Variants in GRID2 observed in about 807,000 individuals in gnomAD.
The protein encoded by GRID2 is glutamate receptor ionotropic, delta-2.
GRID2 carries 33 observed loss-of-function variants against 114.8 expected under a neutral mutation model. The observed-to-expected ratio is 0.29, with a 90% CI of 0.22 to 0.38. The LOEUF is 0.38. Among genes scored for constraint, GRID2 ranks in the 10% least tolerant of loss-of-function variants. The probability of loss-of-function intolerance (pLI) is 1.00; values close to 1 mark genes in which losing one functional copy is unlikely to be tolerated. For missense variants in GRID2, 1,184 were observed against 1,257.7 expected, an observed-to-expected ratio of 0.94 and a Z score of 0.89; for synonymous variants, 505 against 449.9, an observed-to-expected ratio of 1.12 and a Z score of -1.55.
intron 13 of GRID2, among the ~76,000 whole-genome samples, chr4:93,603,917 G>A (rs1739945175): frequency 6.6e-6 from 1 of 152,066 alleles, no homozygotes; most frequent in South Asian, 2.1e-4. Flanking sequence ...AAATATGACT[G>A]CCCATTGACA....
chr4:92,910,307 C>A (rs1748277359), intron 2 of GRID2, among the ~76,000 whole-genome samples: 1 of 152,042 alleles, frequency 6.6e-6, no homozygotes, highest in African/African-American at 2.4e-5. Context: ...GCCCAATCCC[C>A]CAGAGAACCT....
chr4:92,893,636 C>T (rs1346735977), intron 2 of GRID2, among the ~76,000 whole-genome samples: 1 of 152,044 alleles, frequency 6.6e-6, no homozygotes. Context: ...ATCTCTGCTC[C>T]ATGCTTTTCT....
intron 4 of GRID2, among the ~76,000 whole-genome samples, chr4:93,142,358 G>A (rs1371634427): frequency 1.3e-5 from 2 of 152,170 alleles, no homozygotes; most frequent in Non-Finnish European, 2.9e-5. Context: ...ATGCTAGGAG[G>A]TCCAAGATCA....
At chr4:93,294,136 A>G (rs1189596728) in intron 8 of GRID2, among the ~76,000 whole-genome samples, 1 of 152,196 alleles carries the variant, frequency 6.6e-6, no homozygotes, top group East Asian at 1.9e-4. Context: ...ATGTGGGACT[A>G]GGACATGGGT....
At chr4:92,486,363 G>A (rs1722887003) in intron 1 of GRID2, among the ~76,000 whole-genome samples, 3 of 151,384 alleles carry the variant, frequency 2.0e-5, no homozygotes, top group Non-Finnish European at 2.9e-5. Context: ...TATATAAATT[G>A]AGCTTCTTAC....
chr4:93,581,837 C>G (rs1737008547), intron 13 of GRID2, among the ~76,000 whole-genome samples: 2 of 152,154 alleles, frequency 1.3e-5, no homozygotes, highest in African/African-American at 4.8e-5. Context: ...GCAAATTAGA[C>G]TGAGCAGTAC....
chr4:92,843,563 T>A (rs1743072329), intron 2 of GRID2, among the ~76,000 whole-genome samples: 1 of 152,166 alleles, frequency 6.6e-6, no homozygotes, highest in Non-Finnish European at 1.5e-5. Flanking sequence ...ATAACTATAT[T>A]TTTCAAAATA....
intron 1 of GRID2, among the ~76,000 whole-genome samples, chr4:92,353,509 C>G (rs1205829261): frequency 6.6e-6 from 1 of 151,988 alleles, no homozygotes. Context: ...TTTTTGGAGT[C>G]TCTAATCATT....
rs193285726 is a variant in GRID2 at position 92,309,471 on chromosome 4, G to T, written c.88+4727G>T. Among the ~76,000 whole-genome samples the T allele has an allele frequency of 2.6e-3, 398 of 151,406 alleles. 2 individuals carry two copies. Among genetic ancestry groups the T allele is most frequent in the African/African-American group, 9.0e-3 (373 of 41,388 alleles). ...ATGTTTATTAGAAAATACATTTATG[G>T]CCTATAAAGATATCTTTGCCATTAG... On this transcript the variant is annotated intron_variant, in intron 1 of 15. Transcript: ENST00000282020.
In GRID2 at chr4:93,200,018, T is replaced by C. The variant is rs1050729458; in HGVS notation, c.736-7386T>C. On this transcript the variant is annotated intron_variant, in intron 4 of 15. Coordinates refer to ENST00000282020, the MANE Select transcript of GRID2 (RefSeq NM_001510.4). ...ATAATAATTGCATTTTTTTGGTTGGTGTTTGTTTGTTTAGTTTTAGCAGAA... is the reference window on the plus strand; with the variant it reads ...ATAATAATTGCATTTTTTTGGTTGGCGTTTGTTTGTTTAGTTTTAGCAGAA... Among the ~76,000 whole-genome samples, 8 of 152,268 alleles carry C rather than the reference T, an allele frequency of 5.3e-5. No homozygotes were observed. The South Asian group carries it at 1.5e-3, about 28-fold the overall frequency.
At chr4:92,358,537 A>C (rs2110196764) in intron 1 of GRID2, among the ~76,000 whole-genome samples, 1 of 152,078 alleles carries the variant, frequency 6.6e-6, no homozygotes, top group Admixed American at 6.6e-5. Flanking sequence ...AAGAAAGTTT[A>C]GAGATAACAT....
chr4:93,510,744 A>C (rs1000816765), intron 12 of GRID2, among the ~76,000 whole-genome samples: 7 of 152,132 alleles, frequency 4.6e-5, no homozygotes. Context: ...AATAGAAATT[A>C]TTAAATAAGG....
intron 4 of GRID2, among the ~76,000 whole-genome samples, chr4:93,146,433 A>C (rs1402593651): frequency 6.6e-6 from 1 of 152,160 alleles, no homozygotes; most frequent in Non-Finnish European, 1.5e-5. Context: ...GAAAAATATC[A>C]TGCATGGTAC....
chr4:93,125,009 A>C (rs776059601), intron 4 of GRID2, among the ~76,000 whole-genome samples: 46 of 152,106 alleles, frequency 3.0e-4, no homozygotes, highest in Non-Finnish European at 7.4e-5. Context: ...ACTTGTAGAA[A>C]AGTGTTAGAA....
intron 2 of GRID2, among the ~76,000 whole-genome samples, chr4:92,887,701 C>G (rs936523840): frequency 6.6e-6 from 1 of 152,148 alleles, no homozygotes; most frequent in African/African-American, 2.4e-5. Flanking sequence ...AATCAGATTT[C>G]GCCTGTGTAT....
chr4:93,281,640 T>A (rs1258952959), intron 8 of GRID2, among the ~76,000 whole-genome samples: 2 of 152,024 alleles, frequency 1.3e-5, no homozygotes, highest in African/African-American at 4.8e-5. Flanking sequence ...TAGGTCTTCA[T>A]CTTGCCTTTG....
chr4:93,705,780 C>A (rs1322491922), intron 14 of GRID2, among the ~76,000 whole-genome samples: 1 of 152,008 alleles, frequency 6.6e-6, no homozygotes, highest in East Asian at 1.9e-4. Context: ...TAGAGTTTTT[C>A]CAGTGTTTTC....
At chr4:92,504,620 G>T (rs1186193142) in intron 1 of GRID2, among the ~76,000 whole-genome samples, 1 of 151,796 alleles carries the variant, frequency 6.6e-6, no homozygotes, top group African/African-American at 2.4e-5. Flanking sequence ...CACTAATAAG[G>T]TTCAGCCTCT....
At chr4:92,729,982 A>G (rs1052157403) in intron 2 of GRID2, among the ~76,000 whole-genome samples, 1 of 151,978 alleles carries the variant, frequency 6.6e-6, no homozygotes, top group African/African-American at 2.4e-5. Flanking sequence ...TAGAAATATA[A>G]TGAGGAATTA....
Sources: gnomAD v4.1 joint callset for allele counts (sites outside exome capture counted in the v4.1 genomes callset) on GRCh38, gnomAD v4.1.1 for gene constraint, MANE v1.5 for transcripts, NCBI Gene and HGNC (gene_info 2026-07-23, HGNC 2026-07-21) for gene names.